The following DENND1A variants were observed in gnomAD, a reference collection of about 807,000 sequenced individuals.
The protein encoded by DENND1A is DENN domain containing 1A, also known as DENN domain-containing protein 1A.
A neutral mutation model predicts 113.7 loss-of-function variants in DENND1A; 51 were observed. The ratio of observed to expected loss-of-function variants is 0.45; its 90% CI spans 0.36 to 0.57. The LOEUF is 0.57. Among genes scored for constraint, DENND1A ranks in the 20% least tolerant of loss-of-function variants. The pLI, the probability that DENND1A is intolerant of heterozygous loss-of-function variation, is 0.00. For missense variants in DENND1A, 1,258 were observed against 1,395.9 expected, an observed-to-expected ratio of 0.90 and a Z score of 1.57; for synonymous variants, 565 against 570.8, an observed-to-expected ratio of 0.99 and a Z score of 0.14.
intron 15 of DENND1A, chr9:123,456,852 A>G (rs1422967843): frequency 1.3e-5 from 2 of 153,248 alleles, no homozygotes; most frequent in Non-Finnish European, 2.9e-5. Context: ...CTTACTGCAC[A>G]CAGTCCCCAT....
At chr9:123,479,847 G>A (rs181273841) in intron 13 of DENND1A, among the ~76,000 whole-genome samples, 2 of 152,308 alleles carry the variant, frequency 1.3e-5, no homozygotes. Context: ...TCCTTTAGAC[G>A]CTAACTGCAG....
At chr9:123,456,254 A>G (rs1029554976) in intron 15 of DENND1A, among the ~76,000 whole-genome samples, 13 of 151,982 alleles carry the variant, frequency 8.6e-5, no homozygotes, top group Non-Finnish European at 1.2e-4. Context: ...CCAGCAATAA[A>G]AGGGGGCCAG....
intron 13 of DENND1A, among the ~76,000 whole-genome samples, chr9:123,494,472 A>T (rs1256152388): frequency 1.3e-5 from 2 of 152,148 alleles, no homozygotes; most frequent in Non-Finnish European, 2.9e-5. Flanking sequence ...AGGACTAGAA[A>T]CCAGGACTCC....
chr9:123,636,335 G>C (rs1485818784), intron 9 of DENND1A, among the ~76,000 whole-genome samples: 1 of 142,126 alleles, frequency 7.0e-6, no homozygotes, highest in Non-Finnish European at 1.5e-5. Context: ...TTTTTTTTTT[G>C]AGATGGAGTC....
chr9:123,501,172 G>T (rs897320734), intron 13 of DENND1A, among the ~76,000 whole-genome samples: 1 of 152,116 alleles, frequency 6.6e-6, no homozygotes, highest in Non-Finnish European at 1.5e-5. Flanking sequence ...TACGTTCCTC[G>T]TACAAGTAGA....
intron 1 of DENND1A, among the ~76,000 whole-genome samples, chr9:123,884,988 A>AGCGC (rs201018070): frequency 8.1e-5 from 11 of 136,330 alleles, no homozygotes; most frequent in Non-Finnish European, 1.7e-4. Flanking sequence ...CTGACCTGCG[A>AGCGC]GCGCGCGCGC....
intron 1 of DENND1A, among the ~76,000 whole-genome samples, chr9:123,922,864 G>T (rs1227097308): frequency 6.6e-6 from 1 of 152,060 alleles, no homozygotes; most frequent in Non-Finnish European, 1.5e-5. Flanking sequence ...TTTTCTATAG[G>T]AACATATATG....
chr9:123,837,753 G>A (rs996092743), intron 2 of DENND1A, among the ~76,000 whole-genome samples: 1 of 152,114 alleles, frequency 6.6e-6, no homozygotes, highest in Non-Finnish European at 1.5e-5. Context: ...TGGAGAACCT[G>A]CCCAAATGTA....
At chr9:123,607,547 A>AGTGTGTGTGTGT (rs555605927) in intron 11 of DENND1A, among the ~76,000 whole-genome samples, 2 of 68,002 alleles carry the variant, frequency 2.9e-5, no homozygotes, top group African/African-American at 1.0e-4. Flanking sequence ...AGAGAGAGAG[A>AGTGTGTGTGTGT]GTGTGTGTGT....
At chr9:123,394,094 C>T (rs895529014) in intron 21 of DENND1A, among the ~76,000 whole-genome samples, 3 of 151,914 alleles carry the variant, frequency 2.0e-5, no homozygotes, top group Non-Finnish European at 2.9e-5. Context: ...TGTGTTCAAG[C>T]GATTCTCCTG....
rs1442355639 is a variant in DENND1A, at chr9:123,667,080, C to T, written c.454-1G>A. ...TATCAGGCACAGTAAAATAAGAATGCTAGAAAAGAAAAGCAAAAGTGATTT... is the reference window on the plus strand; with the variant it reads ...TATCAGGCACAGTAAAATAAGAATGTTAGAAAAGAAAAGCAAAAGTGATTT... On this transcript the variant is annotated splice_acceptor_variant, in intron 7 of 23. Transcript: ENST00000394215. LOFTEE classifies it high-confidence loss of function. 3 of 1,597,950 alleles carry T rather than the reference C, an allele frequency of 1.9e-6. No homozygotes were observed. The highest frequency in any genetic ancestry group is 1.4e-5 in the African/African-American group (1 of 73,706).
Position 123,557,665 on chromosome 9 carries a change from C to G in DENND1A, c.898G>C (p.Val300Leu), listed in dbSNP as rs1208116718. The G allele has an allele frequency of 6.2e-7, 1 of 1,613,918 alleles. No homozygotes were observed. The highest frequency in any genetic ancestry group is 8.5e-7 in the Non-Finnish European group (1 of 1,179,900). ...ACACCATCCCCAGTGGTTGTGGAGA[C>G]CTTTTTCAGCCTGTTCTTCAGGGAA... ...ISSLKNRLKK[V>L]STTTGDGVAR... The change falls in exon 13 of 24, where the codon GTC becomes CTC. Residue 300 changes from valine (V) to leucine (L), a missense_variant. Transcript: ENST00000394215.
intron 9 of DENND1A, among the ~76,000 whole-genome samples, chr9:123,639,039 T>TAAAAAAAAAAAAAAAAAAAAA (rs750972974): frequency 1.6e-3 from 52 of 32,066 alleles, no homozygotes; most frequent in Non-Finnish European, 2.0e-3. Flanking sequence ...GCATGAGTAG[T>TAAAAAAAAAAAAAAAAAAAAA]AAAAAAAAAA....
At position 123,450,677 on chromosome 9, in the gene DENND1A, T is replaced by C. The variant is rs1191063222; in HGVS notation, c.1356+16A>G. The C allele has an allele frequency of 6.2e-7, 1 of 1,608,278 alleles. No individual in the cohort carries two copies. Among genetic ancestry groups the C allele is most frequent in the Admixed American group, 1.7e-5 (1 of 58,806 alleles). On this transcript the variant is annotated intron_variant, in intron 18 of 23. Transcript: ENST00000394215. Reference sequence around the variant, plus strand: ...ATACATGGTGCTTATACATTTTGAATAAGAACTTCAAGTACCTTTTGCTTC... The same window carrying C: ...ATACATGGTGCTTATACATTTTGAACAAGAACTTCAAGTACCTTTTGCTTC...
intron 5 of DENND1A, among the ~76,000 whole-genome samples, chr9:123,730,779 T>G (rs192542722): frequency 6.6e-6 from 1 of 152,306 alleles, no homozygotes; most frequent in East Asian, 1.9e-4. Flanking sequence ...GGATTATAAA[T>G]CATTCTACTA....
rs118090672 is a variant in DENND1A at position 123,611,640 on chromosome 9, A to T, written c.720-2159T>A. Among the ~76,000 whole-genome samples the T allele has an allele frequency of 5.4e-4, 82 of 152,328 alleles. No individual in the cohort carries two copies. The East Asian group carries it at 0.012, about 22-fold the overall frequency. On this transcript the variant is annotated intron_variant, in intron 10 of 23. Transcript: ENST00000394215. ...AATCTTATCACCCTTCCCATCTCCT[A>T]CATTTAATCATGCAATTGACCAGTG... is the stretch of plus-strand genomic sequence containing the variant.
At chr9:123,665,020 C>T (rs2063427772) in intron 8 of DENND1A, among the ~76,000 whole-genome samples, 1 of 152,088 alleles carries the variant, frequency 6.6e-6, no homozygotes, top group South Asian at 2.1e-4. Flanking sequence ...TATGTAAATT[C>T]CCAAACTTTC....
intron 13 of DENND1A, among the ~76,000 whole-genome samples, chr9:123,529,125 C>A (rs2055086487): frequency 6.6e-6 from 1 of 152,078 alleles, no homozygotes; most frequent in East Asian, 1.9e-4. Flanking sequence ...ATGACCAATG[C>A]AATATTTTTT....
At chr9:123,750,984 C>T (rs555912550) in intron 5 of DENND1A, among the ~76,000 whole-genome samples, 1 of 152,288 alleles carries the variant, frequency 6.6e-6, no homozygotes, top group African/African-American at 2.4e-5. Context: ...TCCTCCCCGA[C>T]TCCCTCCCCC....
Sources: allele counts gnomAD v4.1 joint callset (sites outside exome capture counted in the v4.1 genomes callset), GRCh38; gene constraint gnomAD v4.1.1; transcripts MANE v1.5; gene names NCBI Gene and HGNC (gene_info 2026-07-23, HGNC 2026-07-21).